SPARCL1: variants seen among roughly 807,000 people sequenced by gnomAD.
The protein encoded by SPARCL1 is SPARC like 1.
SPARCL1 carries 52 observed loss-of-function variants against 67.1 expected under a neutral mutation model. The observed-to-expected ratio is 0.78, with a 90% confidence interval of 0.62 to 0.98. The LOEUF is 0.98. Ranked by LOEUF, SPARCL1 falls within the 50% of genes least tolerant of loss-of-function variation. The probability of loss-of-function intolerance (pLI) is 0.00; values close to 1 mark genes in which losing one functional copy is unlikely to be tolerated. For missense variants in SPARCL1, 717 were observed against 782.4 expected (o/e 0.92, Z 1.00); for synonymous variants, 226 against 267.8 (o/e 0.84, Z 1.52).
intron 1 of SPARCL1, among the ~76,000 whole-genome samples, chr4:87,518,843 C>A (rs1033612329): frequency 2.6e-5 from 4 of 152,170 alleles, no homozygotes; most frequent in African/African-American, 9.7e-5. Flanking sequence ...TAATAGAATA[C>A]TCCCTTGATT....
At chr4:87,474,788 G>A (rs1352957278) in intron 10 of SPARCL1, among the ~76,000 whole-genome samples, 1 of 138,160 alleles carries the variant, frequency 7.2e-6, no homozygotes, top group Non-Finnish European at 1.5e-5. Context: ...TTTCACCCAG[G>A]CCAGACTGAA....
intron 1 of SPARCL1, among the ~76,000 whole-genome samples, chr4:87,511,820 A>G (rs116695394): frequency 1.0e-3 from 154 of 152,242 alleles, no homozygotes; most frequent in African/African-American, 3.5e-3. Context: ...AAGTGAGGGC[A>G]GTGAGTGTAG....
rs761879734 is a variant in SPARCL1 at position 87,491,595 on chromosome 4, C to T, written c.1291+23G>A. 10 of 1,588,536 alleles carry T rather than the reference C, an allele frequency of 6.3e-6. No individual in the cohort carries two copies. In the African/African-American group the frequency reaches 1.3e-4, roughly 21 times the overall value. On this transcript the variant is annotated intron_variant, in intron 5 of 10. Coordinates refer to ENST00000282470, the MANE Select transcript of SPARCL1 (RefSeq NM_004684.6). ...ATTTCTTCCTTGATATAGTCACAAACAGCTTGCTTCATGCATACTCACCCA... is the reference window on the plus strand; with the variant it reads ...ATTTCTTCCTTGATATAGTCACAAATAGCTTGCTTCATGCATACTCACCCA...
At chr4:87,521,162 G>A (rs1361726517) in intron 1 of SPARCL1, among the ~76,000 whole-genome samples, 1 of 152,022 alleles carries the variant, frequency 6.6e-6, no homozygotes, top group Non-Finnish European at 1.5e-5. Context: ...TTTATTTTCA[G>A]TTCCTATAGT....
intron 2 of SPARCL1, chr4:87,497,184 A>C: frequency 6.1e-6 from 6 of 984,938 alleles, no homozygotes; most frequent in Non-Finnish European, 7.2e-6. Context: ...TTCTGGCCAA[A>C]GTACAGGATT....
chr4:87,508,780 A>ATG lies in SPARCL1; in HGVS notation c.-11-9196_-11-9195insCA, dbSNP rs1491405960. Among the ~76,000 whole-genome samples, 551 of 114,014 alleles carry ATG rather than the reference A, an allele frequency of 4.8e-3. 3 individuals are homozygous for ATG. Among genetic ancestry groups the ATG allele is most frequent in the African/African-American group, 0.021 (514 of 24,534 alleles). The allele number at this position is 114,014 out of a possible 152,430, so 74.8% of individuals were successfully genotyped here. On this transcript the variant is annotated intron_variant, in intron 1 of 10. Coordinates refer to ENST00000282470, the MANE Select transcript of SPARCL1 (RefSeq NM_004684.6). ...ATGAGACAGGAACCGTGGATGAAACATATGTGTGTGTGTGTGTGTGTGTGT... is the reference window on the plus strand; with the variant it reads ...ATGAGACAGGAACCGTGGATGAAACATGTATGTGTGTGTGTGTGTGTGTGTGT...
chr4:87,480,942 G>A (rs1421294815), intron 8 of SPARCL1, among the ~76,000 whole-genome samples: 1 of 151,636 alleles, frequency 6.6e-6, no homozygotes, highest in Non-Finnish European at 1.5e-5. Context: ...AGTCTTCTAG[G>A]TCATCCATCC....
At chr4:87,483,514 C>T (rs1177385214) in intron 7 of SPARCL1, among the ~76,000 whole-genome samples, 1 of 152,144 alleles carries the variant, frequency 6.6e-6, no homozygotes, top group South Asian at 2.1e-4. Context: ...GGTTCCAAGT[C>T]TTTACTATTG....
At chr4:87,515,769 G>T (rs1725557265) in intron 1 of SPARCL1, among the ~76,000 whole-genome samples, 4 of 152,172 alleles carry the variant, frequency 2.6e-5, no homozygotes, top group Admixed American at 2.6e-4. Context: ...ATCTCCAGAG[G>T]AATCATTTGT....
rs1285275166 is a variant in SPARCL1 at position 87,478,053 on chromosome 4, A to G, written c.1966+1377T>C. 2.0e-5 allele frequency among the ~76,000 whole-genome samples: 3 copies of G among 152,218 alleles called. No individual in the cohort carries two copies. In the East Asian group the frequency reaches 5.8e-4, roughly 29 times the overall value. ...AAGGCATTCTACATATGCATGGGGG[A>G]TATTTTAAAAATGAAGTATGCACAA... On this transcript the variant is annotated intron_variant, in intron 10 of 10. Coordinates refer to ENST00000282470, the MANE Select transcript of SPARCL1 (RefSeq NM_004684.6).
intron 1 of SPARCL1, among the ~76,000 whole-genome samples, chr4:87,503,670 G>A (rs1306698698): frequency 7.8e-6 from 1 of 128,316 alleles, no homozygotes; most frequent in Non-Finnish European, 1.6e-5. Flanking sequence ...AGCAAATGAA[G>A]TTTTTTTTTT....
At position 87,494,996 on chromosome 4, in the gene SPARCL1, G is replaced by A. The variant is rs766671889; in HGVS notation, c.186C>T (p.Asp62=). Residue 62 remains aspartate, a synonymous_variant, in exon 3 of 11, where the codon GAC becomes GAT. Coordinates refer to ENST00000282470, the MANE Select transcript of SPARCL1 (RefSeq NM_004684.6). The stretch of plus-strand genomic sequence containing the variant: ...TTACTTTTACCTTATGGTGGGAATC[G>A]TCTTCTGTGGATACTGCTGTTTCTT... The part of the protein sequence containing the change: ...NEKETAVSTE[D]DSHHKAEKSS... 5.6e-5 allele frequency: 90 copies of A among 1,605,052 alleles called. No individual in the cohort carries two copies. The highest frequency in any genetic ancestry group is 8.7e-5 in the Admixed American group (5 of 57,558).
chr4:87,514,406 G>A (rs1403881834), intron 1 of SPARCL1, among the ~76,000 whole-genome samples: 1 of 152,052 alleles, frequency 6.6e-6, no homozygotes, highest in Non-Finnish European at 1.5e-5. Flanking sequence ...TTTACTGAAT[G>A]GTCCCTGATT....
intron 1 of SPARCL1, among the ~76,000 whole-genome samples, chr4:87,512,563 G>A (rs1429830852): frequency 6.6e-6 from 1 of 152,090 alleles, no homozygotes; most frequent in Non-Finnish European, 1.5e-5. Context: ...TGAATGATGA[G>A]AGACCATGTG....
intron 10 of SPARCL1, among the ~76,000 whole-genome samples, chr4:87,478,325 T>C (rs1463797317): frequency 1.3e-5 from 2 of 152,190 alleles, no homozygotes; most frequent in Non-Finnish European, 2.9e-5. Flanking sequence ...CCTTGTGGAA[T>C]GGTTAAATTG....
intron 1 of SPARCL1, among the ~76,000 whole-genome samples, chr4:87,507,197 C>A (rs1190227394): frequency 2.0e-5 from 3 of 152,158 alleles, no homozygotes; most frequent in African/African-American, 4.8e-5. Flanking sequence ...TGGAATGCTA[C>A]CCTATTTTCT....
rs1026316873 is a variant in SPARCL1, at chr4:87,493,587, G to T, written c.1213C>A (p.Gln405Lys). The change falls in exon 4 of 11, where the codon CAA (glutamine) becomes AAA (lysine). Residue 405 changes from glutamine to lysine, a missense_variant. By Grantham distance (53) the Gln-to-Lys change is moderately conservative (BLOSUM62 1). Transcript: ENST00000282470. The stretch of plus-strand genomic sequence containing the variant: ...ACCATTTAAAATAATTTTACCTCTT[G>T]GTGCTCTCCAGGCTCAGTGGTACCT... Reference protein sequence around the residue: ...NIGTTEPGEHQEAKKAENSSN... With the variant: ...NIGTTEPGEHKEAKKAENSSN... The T allele has an allele frequency of 6.2e-7, 1 of 1,601,168 alleles. No individual in the cohort carries two copies.
intron 10 of SPARCL1, among the ~76,000 whole-genome samples, chr4:87,474,584 C>T (rs1723487648): frequency 6.6e-6 from 1 of 152,130 alleles, no homozygotes; most frequent in Non-Finnish European, 1.5e-5. Flanking sequence ...CTGACCTTCA[C>T]AAGATTCTCC....
intron 1 of SPARCL1, among the ~76,000 whole-genome samples, chr4:87,515,407 A>G (rs1424741373): frequency 6.6e-6 from 1 of 152,258 alleles, no homozygotes; most frequent in Non-Finnish European, 1.5e-5. Flanking sequence ...ATGTTATCAT[A>G]TCTTTGAAAC....
Sources: allele counts gnomAD v4.1 joint callset (sites outside exome capture counted in the v4.1 genomes callset), GRCh38; gene constraint gnomAD v4.1.1; transcripts MANE v1.5; gene names NCBI Gene and HGNC (gene_info 2026-07-23, HGNC 2026-07-21).